Variants in CWF19L2 observed in about 807,000 individuals in gnomAD.
The protein encoded by CWF19L2 is CWF19-like protein 2.
A neutral mutation model predicts 111.7 loss-of-function variants in CWF19L2; 98 were observed. The ratio of observed to expected loss-of-function variants is 0.88; its 90% CI spans 0.75 to 1.04. CWF19L2 has a LOEUF of 1.04. CWF19L2 is among the 50% of genes least tolerant of loss of function. The pLI is 0.00. For synonymous variants in CWF19L2, 351 were observed against 342.9 expected (o/e 1.02, Z -0.26); for missense variants, 1,101 against 1,051.4 (o/e 1.05, Z -0.65).
At position 107,433,757 on chromosome 11, in the gene CWF19L2, C is replaced by T. The variant is rs1466516826; in HGVS notation, c.665-8G>A. 1.1e-5 allele frequency: 16 copies of T among 1,410,556 alleles called. No homozygotes were observed. Among genetic ancestry groups the T allele is most frequent in the Non-Finnish European group, 1.6e-5 (16 of 1,020,310 alleles). The allele number at this position is 1,410,556 out of a possible 1,614,324, so 87.4% of individuals were successfully genotyped here. ...CATCTTCTACCACTGAAACTAAATTCCAGTATTAAATATTAGTTATACTTT... is the reference window on the plus strand; with the variant it reads ...CATCTTCTACCACTGAAACTAAATTTCAGTATTAAATATTAGTTATACTTT... On this transcript the variant is annotated splice_region_variant and splice_polypyrimidine_tract_variant and intron_variant, in intron 6 of 17. Transcript: ENST00000282251.
At chr11:107,358,012 A>G (rs1287212672) in intron 12 of CWF19L2, among the ~76,000 whole-genome samples, 2 of 152,172 alleles carry the variant, frequency 1.3e-5, no homozygotes, top group Non-Finnish European at 2.9e-5. Flanking sequence ...AATTTGGCGC[A>G]CCATAAACAC....
chr11:107,386,990 G>A (rs1860775955), intron 12 of CWF19L2, among the ~76,000 whole-genome samples: 2 of 151,476 alleles, frequency 1.3e-5, no homozygotes, highest in Non-Finnish European at 2.9e-5. Context: ...GAAGGCGGAG[G>A]TTGCAATGAG....
intron 16 of CWF19L2, among the ~76,000 whole-genome samples, chr11:107,333,915 G>A (rs1382958283): frequency 6.6e-6 from 1 of 152,138 alleles, no homozygotes; most frequent in Non-Finnish European, 1.5e-5. Context: ...TTTAGGCTTC[G>A]CAGGTCATAC....
intron 7 of CWF19L2, among the ~76,000 whole-genome samples, chr11:107,429,740 C>CA (rs1161988947): frequency 5.8e-5 from 8 of 137,780 alleles, no homozygotes; most frequent in Non-Finnish European, 1.1e-4. Context: ...ACAAACTTTG[C>CA]AAAAAATACT....
At chr11:107,335,003 G>A in intron 15 of CWF19L2, 42 bp from the exon 16 acceptor site, 1 of 1,268,624 alleles carries the variant, frequency 7.9e-7, no homozygotes. Context: ...GAACATGTAA[G>A]TAAATAAAAA....
At chr11:107,456,777 C>G (rs1361791366) in intron 1 of CWF19L2, among the ~76,000 whole-genome samples, 2 of 151,940 alleles carry the variant, frequency 1.3e-5, no homozygotes, top group Non-Finnish European at 2.9e-5. Flanking sequence ...ATATACCAAA[C>G]AGAAAAATCG....
rs1859767810 is a variant in CWF19L2 at position 107,326,832 on chromosome 11, G to T, written c.*78C>A. ...TGACTCTCTCTGCCTGTGACCTGAG[G>T]GTCAGTTGCTTCATTAGATGCAATG... On this transcript the variant is annotated 3_prime_UTR_variant, in exon 18 of 18. Transcript: ENST00000282251. 4 of 1,241,066 alleles carry T rather than the reference G, an allele frequency of 3.2e-6. No homozygotes were observed. The highest frequency in any genetic ancestry group is 3.1e-5 in the African/African-American group (2 of 64,970). The allele number at this position is 1,241,066 out of a possible 1,614,324, so 76.9% of individuals were successfully genotyped here.
Position 107,326,784 on chromosome 11 carries a change from T to C in CWF19L2, c.*126A>G, listed in dbSNP as rs953693338. On this transcript the variant is annotated 3_prime_UTR_variant, in exon 18 of 18. Coordinates refer to ENST00000282251, the MANE Select transcript of CWF19L2 (RefSeq NM_152434.3). The stretch of plus-strand genomic sequence containing the variant: ...CAATCTCCTGATGTACAGTTGTCAC[T>C]GACCCAGAGCAGTCTGCTGCTGTGA... 6 of 686,968 alleles carry C rather than the reference T, an allele frequency of 8.7e-6. No individual in the cohort carries two copies. The highest frequency in any genetic ancestry group is 1.4e-5 in the Non-Finnish European group (6 of 427,786). The allele number at this position is 686,968 out of a possible 1,614,324, so 42.6% of individuals were successfully genotyped here.
Position 107,368,404 on chromosome 11 carries a change from C to T in CWF19L2, c.1873-14668G>A, listed in dbSNP as rs1379253861. On this transcript the variant is annotated intron_variant, in intron 12 of 17. Transcript: ENST00000282251. ...TTGAACGAACCACTGGCCTTTCTTC[C>T]CTATCTAACTCTTCCAAATCAGAAT... Among the ~76,000 whole-genome samples the T allele has an allele frequency of 1.5e-5, 2 of 137,618 alleles. 1 individual carries two copies. Among genetic ancestry groups the T allele is most frequent in the Non-Finnish European group, 3.1e-5 (2 of 64,132 alleles). 90.3% of individuals were successfully genotyped at this position (137,618 alleles called of 152,430 possible). A position where few individuals can be genotyped will look rare whatever the true frequency, so the allele number is the denominator to read the frequency against.
At chr11:107,424,762 T>C (rs568997371) in intron 8 of CWF19L2, among the ~76,000 whole-genome samples, 1 of 151,988 alleles carries the variant, frequency 6.6e-6, no homozygotes, top group South Asian at 2.1e-4. Context: ...TGAGGATAAA[T>C]GACAAAAATA....
At chr11:107,346,785 C>T (rs1157669633) in intron 14 of CWF19L2, among the ~76,000 whole-genome samples, 1 of 152,192 alleles carries the variant, frequency 6.6e-6, no homozygotes, top group South Asian at 2.1e-4. Context: ...AATGTCCGTA[C>T]ATGTTCAACA....
At chr11:107,332,258 A>G (rs1859860807) in intron 16 of CWF19L2, among the ~76,000 whole-genome samples, 1 of 152,216 alleles carries the variant, frequency 6.6e-6, no homozygotes, top group South Asian at 2.1e-4. Flanking sequence ...TTCAGAAAGA[A>G]TTCTCATGCA....
intron 12 of CWF19L2, among the ~76,000 whole-genome samples, chr11:107,378,549 T>G (rs1311502200): frequency 6.6e-6 from 1 of 152,088 alleles, no homozygotes; most frequent in Non-Finnish European, 1.5e-5. Context: ...TTCTCACGCA[T>G]AGGTGGGAAT....
intron 3 of CWF19L2, among the ~76,000 whole-genome samples, chr11:107,444,650 A>G (rs1279465088): frequency 6.6e-6 from 1 of 152,170 alleles, no homozygotes; most frequent in Non-Finnish European, 1.5e-5. Context: ...TCACTGACTA[A>G]TTGTCTACTG....
chr11:107,441,435 TA>T, intron 5 of CWF19L2, 67 bp downstream of exon 5: 2 of 1,306,000 alleles, frequency 1.5e-6, no homozygotes. Context: ...AAACTGCATT[TA>T]TATAAATGTC....
At chr11:107,420,933 T>A (rs1197389878) in intron 8 of CWF19L2, among the ~76,000 whole-genome samples, 2 of 151,668 alleles carry the variant, frequency 1.3e-5, no homozygotes, top group African/African-American at 4.8e-5. Context: ...AATAATACTA[T>A]CAACTAACAT....
intron 13 of CWF19L2, 50 bp from the exon 14 acceptor site, chr11:107,349,103 A>G: frequency 1.1e-6 from 1 of 900,962 alleles, no homozygotes; most frequent in South Asian, 1.8e-5. Context: ...TTTATATGTT[A>G]TATATTTATA....
chr11:107,403,427 G>A (rs1861034828), intron 10 of CWF19L2: 1 of 759,960 alleles, frequency 1.3e-6, no homozygotes, highest in Admixed American at 1.7e-5. Flanking sequence ...TTCTGGTAGG[G>A]GATCTGTCGG....
intron 3 of CWF19L2, among the ~76,000 whole-genome samples, chr11:107,448,850 T>C (rs934802588): frequency 1.3e-5 from 2 of 152,136 alleles, no homozygotes; most frequent in African/African-American, 4.8e-5. Flanking sequence ...GATCTTAGAC[T>C]TTCTAGCCTC....
Sources: allele counts gnomAD v4.1 joint callset (sites outside exome capture counted in the v4.1 genomes callset), GRCh38; gene constraint gnomAD v4.1.1; transcripts MANE v1.5; gene names NCBI Gene and HGNC (gene_info 2026-07-23, HGNC 2026-07-21).